Variants in RASGRF2 observed in about 807,000 individuals in gnomAD.
The protein encoded by RASGRF2 is ras-specific guanine nucleotide-releasing factor 2.
In RASGRF2, 76 loss-of-function variants were observed where a neutral mutation model predicts 151.0. That is an observed-to-expected ratio of 0.50 (90% CI 0.42 to 0.61). RASGRF2 has a LOEUF of 0.61. Among genes scored for constraint, RASGRF2 ranks in the 20% least tolerant of loss-of-function variants. The pLI, the probability that RASGRF2 is intolerant of heterozygous loss-of-function variation, is 0.00. For synonymous variants in RASGRF2, 504 were observed against 566.5 expected, an observed-to-expected ratio of 0.89 and a Z score of 1.57; for missense variants, 1,148 against 1,564.6, an observed-to-expected ratio of 0.73 and a Z score of 4.49.
At chr5:81,137,793 G>A (rs1385406130) in intron 17 of RASGRF2, among the ~76,000 whole-genome samples, 1 of 152,218 alleles carries the variant, frequency 6.6e-6, no homozygotes, top group Non-Finnish European at 1.5e-5. Context: ...CATTTATTTA[G>A]CACCAATTCT....
chr5:81,174,161 A>G (rs1754721063), intron 17 of RASGRF2, among the ~76,000 whole-genome samples: 1 of 152,242 alleles, frequency 6.6e-6, no homozygotes, highest in African/African-American at 2.4e-5. Flanking sequence ...AAAGAAGAGT[A>G]AGGTGTCCCA....
intron 18 of RASGRF2, among the ~76,000 whole-genome samples, chr5:81,185,750 A>G (rs1343310260): frequency 6.6e-6 from 1 of 152,222 alleles, no homozygotes; most frequent in African/African-American, 2.4e-5. Context: ...GACAGCAGAA[A>G]GGGCCTCCTG....
intron 17 of RASGRF2, among the ~76,000 whole-genome samples, chr5:81,146,168 A>G (rs1239115473): frequency 2.6e-5 from 4 of 152,200 alleles, no homozygotes; most frequent in South Asian, 2.1e-4. Flanking sequence ...TGAATTGAAT[A>G]GACTCATTTT....
chr5:80,983,360 G>A (rs1561537977), intron 1 of RASGRF2, among the ~76,000 whole-genome samples: 1 of 152,190 alleles, frequency 6.6e-6, no homozygotes. Flanking sequence ...TGCTCTCATT[G>A]CGATGACTTG....
intron 18 of RASGRF2, among the ~76,000 whole-genome samples, chr5:81,188,696 T>C (rs967924492): frequency 3.3e-5 from 5 of 152,200 alleles, no homozygotes; most frequent in Admixed American, 2.0e-4. Flanking sequence ...CTCCACTCGT[T>C]TGAGGGAGAG....
chr5:81,083,787 T>C (rs1005798830), intron 7 of RASGRF2, among the ~76,000 whole-genome samples: 1 of 152,208 alleles, frequency 6.6e-6, no homozygotes, highest in Non-Finnish European at 1.5e-5. Context: ...AGAACAGCAG[T>C]GTTAGATGTT....
intron 12 of RASGRF2, among the ~76,000 whole-genome samples, chr5:81,105,344 C>G (rs556239181): frequency 9.2e-5 from 14 of 152,224 alleles, no homozygotes; most frequent in Middle Eastern, 3.4e-3. Context: ...GACCCCCTGT[C>G]CAGGACGAGA....
chr5:80,982,647 C>A (rs1290907311), intron 1 of RASGRF2, among the ~76,000 whole-genome samples: 2 of 147,866 alleles, frequency 1.4e-5, no homozygotes, highest in Non-Finnish European at 3.0e-5. Context: ...GTTGCCCAGG[C>A]TGGAGTGCAG....
intron 15 of RASGRF2, among the ~76,000 whole-genome samples, chr5:81,117,982 T>G (rs935026277): frequency 9.2e-5 from 14 of 152,226 alleles, no homozygotes; most frequent in African/African-American, 3.4e-4. Flanking sequence ...GGGGTGGGGT[T>G]GGGTGCCCAA....
intron 17 of RASGRF2, among the ~76,000 whole-genome samples, chr5:81,148,005 G>T (rs1395152426): frequency 2.0e-5 from 3 of 152,144 alleles, no homozygotes; most frequent in Non-Finnish European, 4.4e-5. Context: ...CTCCTGCCTT[G>T]CCTTCCTTAC....
At chr5:81,180,449 A>T (rs1344597892) in intron 18 of RASGRF2, among the ~76,000 whole-genome samples, 168 bp downstream of exon 18, 1 of 152,238 alleles carries the variant, frequency 6.6e-6, no homozygotes, top group African/African-American at 2.4e-5. Context: ...CAAAGCAGAC[A>T]CAAGTGTCTT....
chr5:81,216,353 ACACACACACACACACG>A (rs1561264496), intron 24 of RASGRF2, among the ~76,000 whole-genome samples: 1 of 129,814 alleles, frequency 7.7e-6, no homozygotes, highest in Non-Finnish European at 1.7e-5. Context: ...CTTTCTACAC[ACACACACACACACACG>A]CACACACACA....
At chr5:81,031,724 A>G (rs1179118604) in intron 1 of RASGRF2, among the ~76,000 whole-genome samples, 1 of 152,238 alleles carries the variant, frequency 6.6e-6, no homozygotes, top group Non-Finnish European at 1.5e-5. Flanking sequence ...ACACCCTAAC[A>G]TCACAATTAA....
chr5:80,992,199 G>T (rs370824164), intron 1 of RASGRF2, among the ~76,000 whole-genome samples: 91 of 21,144 alleles, frequency 4.3e-3, no homozygotes, highest in South Asian at 9.4e-3. Flanking sequence ...CACACACACA[G>T]AGACAAGAGA....
intron 18 of RASGRF2, chr5:81,183,228 A>G: frequency 1.0e-6 from 1 of 980,342 alleles, no homozygotes; most frequent in South Asian, 4.7e-5. Flanking sequence ...GATCCACATC[A>G]ATCAAGATGT....
At chr5:81,120,341 C>T (rs1753271813) in intron 15 of RASGRF2, among the ~76,000 whole-genome samples, 1 of 152,014 alleles carries the variant, frequency 6.6e-6, no homozygotes, top group African/African-American at 2.4e-5. Flanking sequence ...CTTTGGGAGG[C>T]CGAGGTGGAA....
At chr5:81,075,474 T>G (rs1751911045) in intron 5 of RASGRF2, among the ~76,000 whole-genome samples, 1 of 152,176 alleles carries the variant, frequency 6.6e-6, no homozygotes, top group East Asian at 1.9e-4. Flanking sequence ...AATTGTTCAT[T>G]CTTCTCCCCT....
chr5:81,172,937 T>C (rs1170744838), intron 17 of RASGRF2, among the ~76,000 whole-genome samples: 2 of 152,150 alleles, frequency 1.3e-5, no homozygotes, highest in Admixed American at 6.5e-5. Flanking sequence ...TGACATCATA[T>C]GCTTCTGAAT....
intron 4 of RASGRF2, 76 bp downstream of exon 4, chr5:81,070,657 C>A: frequency 2.3e-6 from 3 of 1,293,778 alleles, no homozygotes; most frequent in South Asian, 1.2e-5. Context: ...CTTTGCCACC[C>A]TGTGCGTGAG....
Sources: allele counts gnomAD v4.1 joint callset (sites outside exome capture counted in the v4.1 genomes callset), GRCh38; gene constraint gnomAD v4.1.1; transcripts MANE v1.5; gene names NCBI Gene and HGNC (gene_info 2026-07-23, HGNC 2026-07-21).